FREM2: variants seen among roughly 807,000 people sequenced by gnomAD.
The protein encoded by FREM2 is FRAS1-related extracellular matrix protein 2.
A neutral mutation model predicts 219.9 loss-of-function variants in FREM2; 119 were observed. The ratio of observed to expected loss-of-function variants is 0.54; its 90% CI spans 0.47 to 0.63. The LOEUF is 0.63. Among genes scored for constraint, FREM2 ranks in the 30% least tolerant of loss-of-function variants. The pLI, the probability that FREM2 is intolerant of heterozygous loss-of-function variation, is 0.00. For synonymous variants in FREM2, 1,562 were observed against 1,522.8 expected, an observed-to-expected ratio of 1.03 and a Z score of -0.60; for missense variants, 4,030 against 3,993.6, an observed-to-expected ratio of 1.01 and a Z score of -0.25.
At chr13:38,804,153 A>G (rs935771446) in intron 6 of FREM2, among the ~76,000 whole-genome samples, 3 of 152,032 alleles carry the variant, frequency 2.0e-5, no homozygotes, top group Non-Finnish European at 4.4e-5. Flanking sequence ...AAGTAGAAAA[A>G]TGAGTTTCTA....
chr13:38,826,964 C>G (rs1432297614), intron 6 of FREM2, among the ~76,000 whole-genome samples: 1 of 152,026 alleles, frequency 6.6e-6, no homozygotes, highest in Non-Finnish European at 1.5e-5. Flanking sequence ...ATAACATATT[C>G]TAATTTTCTC....
chr13:38,798,920 T>A (rs533618043), intron 6 of FREM2, among the ~76,000 whole-genome samples: 1 of 152,038 alleles, frequency 6.6e-6, no homozygotes, highest in African/African-American at 2.4e-5. Flanking sequence ...GAGAACCAAC[T>A]TTTTCTTTCA....
intron 15 of FREM2, among the ~76,000 whole-genome samples, chr13:38,864,069 T>C: frequency 6.6e-6 from 1 of 152,010 alleles, no homozygotes; most frequent in South Asian, 2.1e-4. Context: ...CCTCAGATGA[T>C]CCACCCACCT....
At chr13:38,853,234 A>G (rs1353100058) in intron 11 of FREM2, among the ~76,000 whole-genome samples, 1 of 149,202 alleles carries the variant, frequency 6.7e-6, no homozygotes, top group Non-Finnish European at 1.5e-5. Flanking sequence ...AGCCTGAGGC[A>G]GGAGAATGGC....
intron 2 of FREM2, among the ~76,000 whole-genome samples, chr13:38,706,186 A>G (rs1004986431): frequency 1.3e-5 from 2 of 152,198 alleles, no homozygotes; most frequent in African/African-American, 2.4e-5. Flanking sequence ...TTAATACCGT[A>G]TCTTGATTTG....
chr13:38,791,336 GTC>G (rs1312125323), intron 6 of FREM2, among the ~76,000 whole-genome samples: 2 of 152,164 alleles, frequency 1.3e-5, no homozygotes, highest in Admixed American at 6.5e-5. Context: ...CTGCTTAAAA[GTC>G]TCTCATGTAT....
intron 2 of FREM2, among the ~76,000 whole-genome samples, chr13:38,733,733 C>T (rs1871864069): frequency 6.6e-6 from 1 of 151,956 alleles, no homozygotes; most frequent in Non-Finnish European, 1.5e-5. Flanking sequence ...GTCTTGAGCC[C>T]CTGGCCTCAA....
Position 38,885,085 on chromosome 13 carries a change from T to C in FREM2, c.*4298T>C, listed in dbSNP as rs1040905030. On this transcript the variant is annotated 3_prime_UTR_variant, in exon 24 of 24. Transcript: ENST00000280481. The stretch of plus-strand genomic sequence containing the variant: ...GATTTCTCCCCTTTTCCATGGATTT[T>C]GATACTAAGAAACAAAATGCTTTGA... 2 of 152,218 alleles carry C rather than the reference T, an allele frequency of 1.3e-5. No individual in the cohort carries two copies. The highest frequency in any genetic ancestry group is 4.8e-5 in the African/African-American group (2 of 41,470). 9.4% of individuals were successfully genotyped at this position (152,218 alleles called of 1,614,324 possible).
intron 4 of FREM2, among the ~76,000 whole-genome samples, chr13:38,777,473 C>A (rs968811015): frequency 2.0e-5 from 3 of 152,208 alleles, no homozygotes; most frequent in Non-Finnish European, 2.9e-5. Flanking sequence ...CACCTACCAA[C>A]CTAACTTTCA....
At chr13:38,813,553 C>A (rs71439785) in intron 6 of FREM2, among the ~76,000 whole-genome samples, 129 of 28,968 alleles carry the variant, frequency 4.5e-3, no homozygotes, top group East Asian at 6.5e-3. Flanking sequence ...CTCTCTCTCT[C>A]TCTCTCTCTC....
intron 4 of FREM2, among the ~76,000 whole-genome samples, chr13:38,779,692 C>T (rs544786493): frequency 9.2e-5 from 14 of 152,332 alleles, no homozygotes; most frequent in African/African-American, 3.4e-4. Context: ...TCTCCTCACA[C>T]ACTCTCTTAA....
chr13:38,693,542 G>A (rs977460325), intron 1 of FREM2, among the ~76,000 whole-genome samples: 3 of 152,150 alleles, frequency 2.0e-5, no homozygotes, highest in Non-Finnish European at 4.4e-5. Flanking sequence ...GCTCCGTTCT[G>A]CAGAACATGC....
intron 2 of FREM2, among the ~76,000 whole-genome samples, chr13:38,733,983 C>T (rs1251446310): frequency 1.3e-5 from 2 of 152,064 alleles, no homozygotes; most frequent in South Asian, 2.1e-4. Flanking sequence ...AAATAGTTCA[C>T]TTAAACAAAT....
In FREM2 at chr13:38,687,995, C is replaced by G. The variant is rs774160840; in HGVS notation, c.651C>G (p.Arg217=). The part of the protein sequence containing the change: ...FAFQPETEEC[R]VGILSGLGAL... ...TCCAGCCCGAGACAGAGGAGTGCCG[C>G]GTGGGCATCCTGTCCGGCTTGGGCG... The change falls in exon 1 of 24, where the codon CGC becomes CGG. Residue 217 remains arginine, a synonymous_variant. Coordinates refer to ENST00000280481, the MANE Select transcript of FREM2 (RefSeq NM_207361.6). 3.1e-6 allele frequency: 5 copies of G among 1,612,434 alleles called. No homozygotes were observed. The African/African-American group carries it at 5.3e-5, about 17-fold the overall frequency.
At position 38,809,694 on chromosome 13, in the gene FREM2, A is replaced by G. The variant is rs114828063; in HGVS notation, c.6019+24886A>G. 7.4e-3 allele frequency among the ~76,000 whole-genome samples: 1,131 copies of G among 151,916 alleles called. 9 individuals are homozygous for G. Among genetic ancestry groups the G allele is most frequent in the African/African-American group, 0.023 (955 of 41,506 alleles). ...GTTTCATTGGTCTAAGTGTCTGTAG[A>G]TAGTACCAAGTTAGTACCATGCTGT... On this transcript the variant is annotated intron_variant, in intron 6 of 23. Transcript: ENST00000280481.
chr13:38,822,366 T>TTTTG (rs1876098582), intron 6 of FREM2, among the ~76,000 whole-genome samples: 2 of 146,812 alleles, frequency 1.4e-5, no homozygotes, highest in African/African-American at 5.2e-5. Context: ...TTTTTTTTTT[T>TTTTG]TTTTTAAGAA....
chr13:38,842,277 G>C (rs1200271769), intron 6 of FREM2, among the ~76,000 whole-genome samples: 1 of 152,196 alleles, frequency 6.6e-6, no homozygotes, highest in African/African-American at 2.4e-5. Context: ...TTCAGCAAAG[G>C]GAGTACTATG....
chr13:38,769,206 T>C (rs1266932744), intron 3 of FREM2, among the ~76,000 whole-genome samples: 1 of 152,224 alleles, frequency 6.6e-6, no homozygotes, highest in Non-Finnish European at 1.5e-5. Context: ...TTTTTTATAA[T>C]ATCCAGGAAC....
intron 2 of FREM2, among the ~76,000 whole-genome samples, chr13:38,745,237 G>T (rs1255832999): frequency 6.6e-6 from 1 of 152,112 alleles, no homozygotes; most frequent in East Asian, 1.9e-4. Flanking sequence ...TTTGAAGTAT[G>T]TTTTTAATAG....
Sources: allele counts gnomAD v4.1 joint callset (sites outside exome capture counted in the v4.1 genomes callset), GRCh38; gene constraint gnomAD v4.1.1; transcripts MANE v1.5; gene names NCBI Gene and HGNC (gene_info 2026-07-23, HGNC 2026-07-21).